The following SLC4A9 variants were observed in gnomAD, a reference collection of about 807,000 sequenced individuals.
SLC4A9 encodes the protein solute carrier family 4 member 9.
SLC4A9 carries 102 observed loss-of-function variants against 103.2 expected under a neutral mutation model. That is an observed-to-expected ratio of 0.99 (90% CI 0.84 to 1.17). The LOEUF is 1.17. Among genes scored for constraint, SLC4A9 ranks in the 50% most tolerant of loss-of-function variants. The pLI, the probability that SLC4A9 is intolerant of heterozygous loss-of-function variation, is 0.00. For missense variants in SLC4A9, 1,091 were observed against 1,193.7 expected, an observed-to-expected ratio of 0.91 and a Z score of 1.27; for synonymous variants, 453 against 483.6, an observed-to-expected ratio of 0.94 and a Z score of 0.83.
chr5:140,367,376 T>C (rs780324062), intron 14 of SLC4A9, 44 bp from the exon 15 acceptor site: 5 of 1,593,404 alleles, frequency 3.1e-6, no homozygotes, highest in Non-Finnish European at 4.3e-6. Context: ...TGAGATGCTC[T>C]TGGGAGACCC....
chr5:140,363,637 G>A lies in SLC4A9; in HGVS notation c.1079+82G>A. 6.3e-7 allele frequency: 1 copy of A among 1,578,098 alleles called. No individual in the cohort carries two copies. The highest frequency in any genetic ancestry group is 1.1e-5 in the South Asian group (1 of 87,054). On this transcript the variant is annotated intron_variant, in intron 8 of 21. Transcript: ENST00000506757. This position sits in a 1 kb window ranked among gnomAD's most constrained non-coding sequence, Gnocchi z 4.5. ...AGGGAAACTGAGGTGTGTGCTCACT[G>A]TGGGAGGGGCTCACCCGGTCACAGG...
At chr5:140,364,977 C>A in intron 11 of SLC4A9, among the ~76,000 whole-genome samples, 1 of 152,226 alleles carries the variant, frequency 6.6e-6, no homozygotes, top group Non-Finnish European at 1.5e-5. Flanking sequence ...ATACATCAAA[C>A]AGGCAGCTTA....
At chr5:140,372,431 T>C (rs1581169008) in intron 20 of SLC4A9, 34 bp downstream of exon 20, 3 of 1,600,122 alleles carry the variant, frequency 1.9e-6, no homozygotes, top group Non-Finnish European at 2.5e-6. Context: ...CAGGAGAATG[T>C]GTCAGGGTTT....
chr5:140,360,883 CA>C lies in SLC4A9; in HGVS notation c.303del (p.Leu102CysfsTer32), dbSNP rs1031216136. The C allele has an allele frequency of 6.2e-7, 1 of 1,611,070 alleles. No homozygotes were observed. The highest frequency in any genetic ancestry group is 8.5e-7 in the Non-Finnish European group (1 of 1,179,164). On this transcript the variant is annotated frameshift_variant, in exon 2 of 22. Coordinates refer to ENST00000506757, the MANE Select transcript of SLC4A9 (RefSeq NM_031467.3). LOFTEE classifies it high-confidence loss of function. ...AGTGCCCCCCACGTGCCCACCCTGG[CA>C]CTGCCCAGCCTCCAGAAGCTCCGCA... ...RWSAPHVPTL[A>X]LPSLQKLRSL...
Position 140,366,221 on chromosome 5 carries a change from T to C in SLC4A9, c.1970T>C (p.Leu657Pro), listed in dbSNP as rs1767867240. The C allele has an allele frequency of 6.2e-7, 1 of 1,606,434 alleles. No homozygotes were observed. The highest frequency in any genetic ancestry group is 8.5e-7 in the Non-Finnish European group (1 of 1,176,154). The change falls in exon 14 of 22, where the codon CTG becomes CCG. Residue 657 changes from leucine to proline, a missense_variant. Coordinates refer to ENST00000506757, the MANE Select transcript of SLC4A9 (RefSeq NM_031467.3). ...CTCGGCTGTGGCCTTGATGCTTTCC[T>C]GGGCCTAGCCACACCAAAGCTCATG... ...ILLGCGLDAF[L>P]GLATPKLMVP...
intron 21 of SLC4A9, 23 bp downstream of exon 21, chr5:140,372,866 C>A: frequency 7.1e-7 from 1 of 1,400,740 alleles, no homozygotes; most frequent in South Asian, 1.4e-5. Context: ...GGGAAGTGCT[C>A]CTGATGTTGA....
Position 140,362,832 on chromosome 5 carries a change from C to T in SLC4A9, c.808-80C>T, listed in dbSNP as rs556319699. On this transcript the variant is annotated intron_variant, in intron 6 of 21. Coordinates refer to ENST00000506757, the MANE Select transcript of SLC4A9 (RefSeq NM_031467.3). Reference sequence around the variant, plus strand: ...ACTTGTCTGCCTCTGTGACTTGTGTCTGTCTAGTTTTGAGACTATGAAAAT... The same window carrying T: ...ACTTGTCTGCCTCTGTGACTTGTGTTTGTCTAGTTTTGAGACTATGAAAAT... 7.1e-6 allele frequency: 11 copies of T among 1,549,902 alleles called. No homozygotes were observed. In the South Asian group the frequency reaches 1.2e-4, roughly 17 times the overall value.
chr5:140,365,870 C>T lies in SLC4A9; in HGVS notation c.1747C>T (p.Pro583Ser). The T allele has an allele frequency of 6.2e-7, 1 of 1,613,976 alleles. No individual in the cohort carries two copies. Among genetic ancestry groups the T allele is most frequent in the Non-Finnish European group, 8.5e-7 (1 of 1,179,876 alleles). The change falls in exon 13 of 22, where the codon CCT becomes TCT. Residue 583 changes from proline to serine, a missense_variant. By Grantham distance (74) the Pro-to-Ser change is moderately conservative (BLOSUM62 -1). Coordinates refer to ENST00000506757, the MANE Select transcript of SLC4A9 (RefSeq NM_031467.3). ...GATCAATGCATCCTTGCTGCCGCCA[C>T]CTGAGTGCACCCGGCAGGGAGGCCA... ...GLINASLLPP[P>S]ECTRQGGHPR...
Position 140,360,319 on chromosome 5 carries a change from ACC to A in SLC4A9, c.85_86del (p.Pro29Ter). The A allele has an allele frequency of 6.2e-7, 1 of 1,612,112 alleles. No homozygotes were observed. Among genetic ancestry groups the A allele is most frequent in the Non-Finnish European group, 8.5e-7 (1 of 1,179,146 alleles). On this transcript the variant is annotated frameshift_variant, in exon 1 of 22. Transcript: ENST00000506757. LOFTEE classifies it high-confidence loss of function. The stretch of plus-strand genomic sequence containing the variant: ...ATTCCTTCAGGGGAGCTGGACAGCA[ACC>A]CTGACCCTGGCACCGGCCCCAGCCC...
At chr5:140,365,276 G>T (rs1224198028) in intron 11 of SLC4A9, among the ~76,000 whole-genome samples, 7 of 152,210 alleles carry the variant, frequency 4.6e-5, no homozygotes. Flanking sequence ...GCCAACATTT[G>T]CTGAGCATCT....
At position 140,365,979 on chromosome 5, in the gene SLC4A9, T is replaced by A. The variant is rs780953017; in HGVS notation, c.1856T>A (p.Met619Lys). Residue 619 changes from methionine (M) to lysine (K), a missense_variant, in exon 13 of 22, where the codon ATG (methionine) becomes AAG (lysine). Transcript: ENST00000506757. Reference sequence around the variant, plus strand: ...TTCCTTACTTCTTTCTTCTTTGCTATGGCCCTCAAGTGTGTAAAGACCAGC... The same window carrying A: ...TTCCTTACTTCTTTCTTCTTTGCTAAGGCCCTCAAGTGTGTAAAGACCAGC... ...LLFLTSFFFA[M>K]ALKCVKTSRF... is the part of the protein sequence containing the mutation. 11 of 1,613,944 alleles carry A rather than the reference T, an allele frequency of 6.8e-6. No individual in the cohort carries two copies. Among genetic ancestry groups the A allele is most frequent in the Non-Finnish European group, 9.3e-6 (11 of 1,179,906 alleles).
Position 140,364,507 on chromosome 5 carries a change from C to G in SLC4A9, c.1533C>G (p.Ile511Met), listed in dbSNP as rs972681350. The G allele has an allele frequency of 6.2e-7, 1 of 1,611,636 alleles. No homozygotes were observed. The highest frequency in any genetic ancestry group is 1.1e-5 in the South Asian group (1 of 90,766). ...RFTEEGFCAL[I>M]SLIFIYDAVG... ...CTGAGGAAGGTTTCTGTGCCCTCAT[C>G]AGCCTCATCTTCATCTACGATGCTG... The change falls in exon 11 of 22, where the codon ATC becomes ATG. Residue 511 changes from isoleucine (I) to methionine (M), a missense_variant. Ile to Met is a conservative substitution (Grantham distance 10). Coordinates refer to ENST00000506757, the MANE Select transcript of SLC4A9 (RefSeq NM_031467.3).
chr5:140,365,824 C>T lies in SLC4A9; in HGVS notation c.1711-10C>T, dbSNP rs775147244. The T allele has an allele frequency of 9.9e-6, 16 of 1,611,750 alleles. No individual in the cohort carries two copies. The highest frequency in any genetic ancestry group is 1.4e-5 in the Non-Finnish European group (16 of 1,178,714). ...GCCTATAACTCCACTCCTGACCCTCCTGTGTACAGGACTTAGGCCTGATCA... is the reference window on the plus strand; with the variant it reads ...GCCTATAACTCCACTCCTGACCCTCTTGTGTACAGGACTTAGGCCTGATCA... On this transcript the variant is annotated splice_polypyrimidine_tract_variant and intron_variant, in intron 12 of 21. Transcript: ENST00000506757.
In SLC4A9 at chr5:140,362,120, G is replaced by A. The variant is rs763566759; in HGVS notation, c.665G>A (p.Arg222Gln). ...FLAQPLGAFVRLRNPVVLGSL... is the reference protein window; with the variant it reads ...FLAQPLGAFVQLRNPVVLGSL... ...GCACAGCCACTGGGAGCCTTTGTTC[G>A]ACTGCGGAACCCTGTGGTACTGGGG... is the stretch of plus-strand genomic sequence containing the variant. Residue 222 changes from arginine to glutamine, a missense_variant, in exon 5 of 22, where the codon CGA becomes CAA. Physicochemically the swap from Arg to Gln is conservative, Grantham distance 43 (BLOSUM62 1). Coordinates refer to ENST00000506757, the MANE Select transcript of SLC4A9 (RefSeq NM_031467.3). The A allele has an allele frequency of 7.6e-6, 12 of 1,576,266 alleles. No individual in the cohort carries two copies. The highest frequency in any genetic ancestry group is 1.4e-5 in the African/African-American group (1 of 72,270).
chr5:140,372,607 C>G, intron 20 of SLC4A9, 138 bp from the exon 21 acceptor site: 1 of 1,440,942 alleles, frequency 6.9e-7, no homozygotes, highest in South Asian at 1.5e-5. Flanking sequence ...GTGGAAAGGG[C>G]TGAGGCTTCA....
chr5:140,364,550 T>C lies in SLC4A9; in HGVS notation c.1576T>C (p.Leu526=). The C allele has an allele frequency of 6.2e-7, 1 of 1,606,822 alleles. No individual in the cohort carries two copies. The highest frequency in any genetic ancestry group is 1.1e-5 in the South Asian group (1 of 90,008). ...IYDAVGKMLN[L]THTYPIQKPG... is the part of the protein sequence containing the mutation. ...CGATGCTGTGGGCAAAATGCTGAAC[T>C]TGACCCATACCTATCCTATCCAGAA... The change falls in exon 11 of 22, where the codon TTG becomes CTG. Residue 526 remains leucine (L), a synonymous_variant. Transcript: ENST00000506757.
At chr5:140,369,292 A>C (rs191668026) in intron 17 of SLC4A9, among the ~76,000 whole-genome samples, 63 of 151,814 alleles carry the variant, frequency 4.1e-4, no homozygotes, top group Non-Finnish European at 7.5e-4. Flanking sequence ...AAAAAAAAAA[A>C]CAAAAAAAAA....
At chr5:140,364,946 C>T (rs759635340) in intron 11 of SLC4A9, among the ~76,000 whole-genome samples, 2 of 152,192 alleles carry the variant, frequency 1.3e-5, no homozygotes, top group African/African-American at 4.8e-5. Flanking sequence ...TATCTTACCC[C>T]AGGGGAGTAG....
intron 17 of SLC4A9, among the ~76,000 whole-genome samples, chr5:140,369,939 C>A (rs1487579495): frequency 6.6e-6 from 1 of 151,848 alleles, no homozygotes; most frequent in Non-Finnish European, 1.5e-5. Flanking sequence ...GAGGTCTAGG[C>A]TGCAATGAGC....
Sources: allele counts gnomAD v4.1 joint callset (sites outside exome capture counted in the v4.1 genomes callset), GRCh38; gene constraint gnomAD v4.1.1; non-coding constraint Gnocchi (gnomAD v3.1); transcripts MANE v1.5; gene names NCBI Gene and HGNC (gene_info 2026-07-23, HGNC 2026-07-21).